Variants in GPD1L observed in about 807,000 individuals in gnomAD.
The protein encoded by GPD1L is glycerol-3-phosphate dehydrogenase 1 like, also known as glycerol-3-phosphate dehydrogenase 1-like protein.
GPD1L carries 17 observed loss-of-function variants against 32.9 expected under a neutral mutation model. The observed-to-expected ratio is 0.52, with a 90% confidence interval of 0.35 to 0.78. The LOEUF (loss-of-function observed/expected upper bound fraction) is 0.78. GPD1L is among the 30% of genes least tolerant of loss of function. GPD1L has a pLI of 0.01. For missense variants in GPD1L, 361 were observed against 447.8 expected (o/e 0.81, Z 1.75); for synonymous variants, 187 against 165.9 (o/e 1.13, Z -0.98).
rs529125707 is a variant in GPD1L, at chr3:32,136,853, G to A, written c.226-1734G>A. Among the ~76,000 whole-genome samples, 17 of 152,254 alleles carry A rather than the reference G, an allele frequency of 1.1e-4. No homozygotes were observed. In the South Asian group the frequency reaches 3.5e-3, roughly 32 times the overall value. On this transcript the variant is annotated intron_variant, in intron 2 of 7. Transcript: ENST00000282541. ...TACCAAGGTTTTCAGCTCACAGAAA[G>A]GGGGAAGAGAAAGTGTAGAGGAGGC...
At chr3:32,133,898 G>T (rs374486723) in intron 2 of GPD1L, among the ~76,000 whole-genome samples, 4 of 152,200 alleles carry the variant, frequency 2.6e-5, no homozygotes, top group South Asian at 2.1e-4. Flanking sequence ...GTTTCCAATG[G>T]TTTTTATTTA....
In GPD1L at chr3:32,165,807, C is replaced by G; in HGVS notation, c.960-7C>G. The G allele has an allele frequency of 6.6e-7, 1 of 1,518,598 alleles. No homozygotes were observed. The highest frequency in any genetic ancestry group is 1.1e-5 in the South Asian group (1 of 89,196). 94.1% of individuals were successfully genotyped at this position (1,518,598 alleles called of 1,614,324 possible). A position where few individuals can be genotyped will look rare whatever the true frequency, so the allele number is the denominator to read the frequency against. On this transcript the variant is annotated splice_polypyrimidine_tract_variant and splice_region_variant and intron_variant, in intron 7 of 7. Transcript: ENST00000282541. ...AACTTTGTCTTTTCACATTTCCTCC[C>G]AACTAGGTTTCCATTGTTTACTGCA...
intron 1 of GPD1L, among the ~76,000 whole-genome samples, chr3:32,114,916 C>T (rs1700304489): frequency 6.6e-6 from 1 of 152,206 alleles, no homozygotes; most frequent in South Asian, 2.1e-4. Flanking sequence ...GTCTCGCTTA[C>T]TTCAGGAGTG....
chr3:32,158,907 A>C lies in GPD1L; in HGVS notation c.650A>C (p.Asp217Ala). The change falls in exon 6 of 8, where the codon GAC becomes GCC. Residue 217 changes from aspartate (D) to alanine (A), a missense_variant. Transcript: ENST00000282541. ...GTAGCTGTGGGAGCTGGGTTCTGCGACGGCCTCCGCTGTGGAGACAACACC... is the reference window on the plus strand; with the variant it reads ...GTAGCTGTGGGAGCTGGGTTCTGCGCCGGCCTCCGCTGTGGAGACAACACC... The part of the protein sequence containing the change: ...NIVAVGAGFC[D>A]GLRCGDNTKA... 1 of 1,614,030 alleles carries C rather than the reference A, an allele frequency of 6.2e-7. No individual in the cohort carries two copies. The highest frequency in any genetic ancestry group is 8.5e-7 in the Non-Finnish European group (1 of 1,180,010).
chr3:32,156,373 C>G (rs1178480971), intron 5 of GPD1L, among the ~76,000 whole-genome samples: 3 of 152,198 alleles, frequency 2.0e-5, no homozygotes, highest in Non-Finnish European at 2.9e-5. Flanking sequence ...CTGCCTGCAT[C>G]ATTTTTAGAG....
At chr3:32,145,021 A>C (rs1386818838) in intron 4 of GPD1L, among the ~76,000 whole-genome samples, 1 of 151,090 alleles carries the variant, frequency 6.6e-6, no homozygotes, top group Non-Finnish European at 1.5e-5. Context: ...GTATTATATT[A>C]ATAATAAAAT....
At chr3:32,164,296 G>C (rs1048072318) in intron 7 of GPD1L, among the ~76,000 whole-genome samples, 1 of 152,160 alleles carries the variant, frequency 6.6e-6, no homozygotes, top group Non-Finnish European at 1.5e-5. Flanking sequence ...ACAAAGAAAG[G>C]GGCTGAAGTT....
intron 5 of GPD1L, among the ~76,000 whole-genome samples, chr3:32,154,965 T>C (rs1011451788): frequency 5.3e-5 from 8 of 152,124 alleles, no homozygotes; most frequent in Non-Finnish European, 8.8e-5. Context: ...CCCAGGCTGG[T>C]CTCAAACTCC....
intron 1 of GPD1L, among the ~76,000 whole-genome samples, chr3:32,116,211 A>G (rs886091025): frequency 6.6e-5 from 10 of 152,144 alleles, no homozygotes; most frequent in Non-Finnish European, 8.8e-5. Flanking sequence ...GCATGTGCAA[A>G]CACTTTGACA....
intron 4 of GPD1L, 85 bp from the exon 5 acceptor site, chr3:32,146,537 T>C (rs1700828800): frequency 1.2e-6 from 1 of 809,398 alleles, no homozygotes; most frequent in African/African-American, 1.7e-5. Context: ...TTATAGTAAG[T>C]AGAAACTTAT....
intron 4 of GPD1L, among the ~76,000 whole-genome samples, chr3:32,145,611 A>G (rs1700808731): frequency 1.3e-5 from 2 of 152,122 alleles, no homozygotes; most frequent in East Asian, 3.9e-4. Flanking sequence ...GTTCAGGAGC[A>G]TGCTTCATGT....
chr3:32,146,290 G>C (rs1300390051), intron 4 of GPD1L, among the ~76,000 whole-genome samples: 1 of 151,874 alleles, frequency 6.6e-6, no homozygotes, highest in Non-Finnish European at 1.5e-5. Context: ...GTTTCACCAT[G>C]TTAGCCAGGA....
intron 4 of GPD1L, among the ~76,000 whole-genome samples, chr3:32,144,007 A>G (rs920479362): frequency 6.6e-6 from 1 of 152,146 alleles, no homozygotes. Flanking sequence ...AGACATGAGC[A>G]CTATGTGCAG....
chr3:32,112,686 G>T (rs752854867), intron 1 of GPD1L, among the ~76,000 whole-genome samples: 1 of 152,020 alleles, frequency 6.6e-6, no homozygotes, highest in East Asian at 1.9e-4. Flanking sequence ...GGAATGAGTC[G>T]AGAGCTCCCA....
chr3:32,145,699 C>A (rs907232096), intron 4 of GPD1L, among the ~76,000 whole-genome samples: 1 of 152,142 alleles, frequency 6.6e-6, no homozygotes, highest in Non-Finnish European at 1.5e-5. Flanking sequence ...TTACCCAACC[C>A]AGATGATGCA....
intron 7 of GPD1L, among the ~76,000 whole-genome samples, chr3:32,161,317 T>C (rs1019498354): frequency 6.6e-6 from 1 of 152,162 alleles, no homozygotes; most frequent in African/African-American, 2.4e-5. Flanking sequence ...CATGCAGAGA[T>C]GGAAGTTCAC....
intron 1 of GPD1L, 63 bp from the exon 2 acceptor site, chr3:32,128,013 A>G: frequency 8.6e-7 from 1 of 1,163,038 alleles, no homozygotes; most frequent in South Asian, 1.3e-5. Context: ...AATTTTAATC[A>G]AACGCTTTTT....
chr3:32,144,771 C>T (rs957030544), intron 4 of GPD1L, among the ~76,000 whole-genome samples: 5 of 151,436 alleles, frequency 3.3e-5, no homozygotes, highest in African/African-American at 9.7e-5. Context: ...CAGCAACCTC[C>T]GCCCCCTGGG....
intron 1 of GPD1L, among the ~76,000 whole-genome samples, chr3:32,117,681 A>G (rs1464166265): frequency 6.6e-6 from 1 of 152,208 alleles, no homozygotes; most frequent in Non-Finnish European, 1.5e-5. Context: ...TTATCTAAAA[A>G]GTTTGTGCTA....
Sources: allele counts gnomAD v4.1 joint callset (sites outside exome capture counted in the v4.1 genomes callset), GRCh38; gene constraint gnomAD v4.1.1; transcripts MANE v1.5; gene names NCBI Gene and HGNC (gene_info 2026-07-23, HGNC 2026-07-21).